Variants in RERG observed in about 807,000 individuals in gnomAD.
The protein encoded by RERG is RAS like estrogen regulated growth inhibitor.
A neutral mutation model predicts 23.2 loss-of-function variants in RERG; 25 were observed. That is an observed-to-expected ratio of 1.08 (90% CI 0.79 to 1.50). The LOEUF (loss-of-function observed/expected upper bound fraction) is 1.50, where lower values mean the gene tolerates loss of function less well. RERG is among the 40% of genes most tolerant of loss of function. The pLI, the probability that RERG is intolerant of heterozygous loss-of-function variation, is 0.00. For missense variants in RERG, 253 were observed against 250.1 expected (o/e 1.01, Z -0.08); for synonymous variants, 81 against 89.1 (o/e 0.91, Z 0.51).
intron 2 of RERG, among the ~76,000 whole-genome samples, chr12:15,150,151 C>A (rs951690719): frequency 6.6e-6 from 1 of 152,142 alleles, no homozygotes; most frequent in African/African-American, 2.4e-5. Context: ...TAGTAGTCAC[C>A]TTTGGATGGG....
intron 2 of RERG, among the ~76,000 whole-genome samples, chr12:15,174,564 C>T (rs1239107327): frequency 1.3e-5 from 2 of 148,648 alleles, no homozygotes; most frequent in Non-Finnish European, 3.0e-5. Flanking sequence ...AATCATTCTG[C>T]TTCTTTCTTT....
At chr12:15,147,064 A>C (rs537128857) in intron 2 of RERG, among the ~76,000 whole-genome samples, 44 of 145,860 alleles carry the variant, frequency 3.0e-4, no homozygotes, top group African/African-American at 1.1e-3. Flanking sequence ...AATTCAGTGA[A>C]GCCAAAAAAA....
At chr12:15,205,265 T>C (rs1213568034) in intron 2 of RERG, among the ~76,000 whole-genome samples, 1 of 152,052 alleles carries the variant, frequency 6.6e-6, no homozygotes, top group Admixed American at 6.6e-5. Flanking sequence ...AGCATTTTAT[T>C]GGGCTTATAG....
intron 2 of RERG, among the ~76,000 whole-genome samples, chr12:15,121,915 T>C (rs1863839009): frequency 6.6e-6 from 1 of 152,176 alleles, no homozygotes; most frequent in South Asian, 2.1e-4. Flanking sequence ...AACTGGAAGA[T>C]GGGCTGGAGA....
chr12:15,190,707 A>C (rs899432098), intron 2 of RERG, among the ~76,000 whole-genome samples: 4 of 152,092 alleles, frequency 2.6e-5, no homozygotes, highest in African/African-American at 9.6e-5. Flanking sequence ...GAAATACAAA[A>C]GAAGGAAGAA....
intron 2 of RERG, among the ~76,000 whole-genome samples, chr12:15,124,635 A>G (rs1863903231): frequency 6.6e-6 from 1 of 152,040 alleles, no homozygotes; most frequent in Non-Finnish European, 1.5e-5. Flanking sequence ...GTTCTTTTCT[A>G]TAGGTCCCCA....
intron 2 of RERG, among the ~76,000 whole-genome samples, chr12:15,126,456 A>G (rs1470923083): frequency 1.3e-5 from 2 of 151,800 alleles, no homozygotes; most frequent in East Asian, 3.9e-4. Flanking sequence ...CACCATCTTA[A>G]TTTACTTGAC....
intron 2 of RERG, among the ~76,000 whole-genome samples, chr12:15,193,896 C>T (rs866389990): frequency 1.7e-4 from 26 of 152,160 alleles, no homozygotes; most frequent in African/African-American, 5.8e-4. Flanking sequence ...GGTAGGTAAA[C>T]GATTCAGGTT....
chr12:15,132,644 G>A (rs1864068889), intron 2 of RERG, among the ~76,000 whole-genome samples: 1 of 152,158 alleles, frequency 6.6e-6, no homozygotes, highest in Non-Finnish European at 1.5e-5. Flanking sequence ...GTACCATTTT[G>A]CATTCCCATC....
intron 2 of RERG, among the ~76,000 whole-genome samples, chr12:15,148,175 CAG>C (rs1210924890): frequency 1.3e-5 from 2 of 151,936 alleles, no homozygotes; most frequent in African/African-American, 4.8e-5. Context: ...AGAAAAAAGC[CAG>C]AGAGAGAAAA....
intron 2 of RERG, among the ~76,000 whole-genome samples, chr12:15,189,684 G>C (rs1039036360): frequency 1.3e-5 from 2 of 152,102 alleles, no homozygotes; most frequent in Non-Finnish European, 2.9e-5. Context: ...CATATAGTAG[G>C]TGGTAAATAA....
intron 2 of RERG, among the ~76,000 whole-genome samples, chr12:15,164,774 G>A (rs1029623770): frequency 1.3e-5 from 2 of 152,114 alleles, no homozygotes; most frequent in Non-Finnish European, 2.9e-5. Flanking sequence ...ACCCACAAAA[G>A]GTGTTAACTA....
At chr12:15,157,661 C>A (rs1319062790) in intron 2 of RERG, among the ~76,000 whole-genome samples, 1 of 152,176 alleles carries the variant, frequency 6.6e-6, no homozygotes, top group Non-Finnish European at 1.5e-5. Context: ...GCAAAGATAA[C>A]TGATGACTAG....
intron 2 of RERG, among the ~76,000 whole-genome samples, chr12:15,157,402 G>A (rs1022836994): frequency 2.0e-5 from 3 of 152,180 alleles, no homozygotes; most frequent in African/African-American, 4.8e-5. Flanking sequence ...AGAAGCTTGA[G>A]AACCAGCAAG....
At chr12:15,145,487 G>C (rs1434574651) in intron 2 of RERG, among the ~76,000 whole-genome samples, 4 of 152,220 alleles carry the variant, frequency 2.6e-5, no homozygotes, top group African/African-American at 7.2e-5. Context: ...AAACAGGGTG[G>C]CAGAGCCACT....
intron 2 of RERG, among the ~76,000 whole-genome samples, chr12:15,170,918 T>C (rs1401987127): frequency 2.6e-5 from 4 of 152,238 alleles, no homozygotes; most frequent in South Asian, 4.1e-4. Context: ...ACTGTGTGCA[T>C]AAATAAAACT....
intron 2 of RERG, among the ~76,000 whole-genome samples, chr12:15,131,105 T>C (rs1489099798): frequency 6.7e-6 from 1 of 150,258 alleles, no homozygotes; most frequent in Non-Finnish European, 1.5e-5. Context: ...CTTAATTTTC[T>C]ATAGAAAATT....
chr12:15,217,327 G>T, intron 2 of RERG, 102 bp downstream of exon 2: 1 of 759,788 alleles, frequency 1.3e-6, no homozygotes, highest in Non-Finnish European at 2.3e-6. Flanking sequence ...AATGAAAATA[G>T]GAGGAATACC....
intron 2 of RERG, among the ~76,000 whole-genome samples, chr12:15,155,742 C>T (rs1360344424): frequency 1.3e-5 from 2 of 152,060 alleles, no homozygotes; most frequent in African/African-American, 4.8e-5. Flanking sequence ...CTGAAAACAG[C>T]CAGTTGTTAA....
Sources: allele counts gnomAD v4.1 joint callset (sites outside exome capture counted in the v4.1 genomes callset), GRCh38; gene constraint gnomAD v4.1.1; transcripts MANE v1.5; gene names NCBI Gene and HGNC (gene_info 2026-07-23, HGNC 2026-07-21).